AGMO: variants seen among roughly 807,000 people sequenced by gnomAD.
AGMO encodes alkylglycerol monooxygenase.
AGMO carries 75 observed loss-of-function variants against 60.2 expected under a neutral mutation model. The ratio of observed to expected loss-of-function variants is 1.25; its 90% CI spans 1.03 to 1.51. AGMO has a LOEUF of 1.51. Among genes scored for constraint, AGMO ranks in the 40% most tolerant of loss-of-function variants. The pLI is 0.00. For synonymous variants in AGMO, 261 were observed against 177.1 expected, an observed-to-expected ratio of 1.47 and a Z score of -3.76; for missense variants, 763 against 525.5, an observed-to-expected ratio of 1.45 and a Z score of -4.42.
intron 3 of AGMO, among the ~76,000 whole-genome samples, chr7:15,505,545 G>T (rs73679639): frequency 1.8e-3 from 271 of 151,834 alleles, no homozygotes; most frequent in African/African-American, 6.1e-3. Context: ...CCTTCGATTC[G>T]TTTCCTATTA....
At chr7:15,316,436 G>A (rs1239781235) in intron 12 of AGMO, among the ~76,000 whole-genome samples, 1 of 152,054 alleles carries the variant, frequency 6.6e-6, no homozygotes, top group African/African-American at 2.4e-5. Context: ...TCAGAACAAA[G>A]TACTCATTGA....
chr7:15,181,078 T>C, the AGMO span, among the ~76,000 whole-genome samples: 1 of 152,198 alleles, frequency 6.6e-6, no homozygotes, highest in East Asian at 1.9e-4. Context: ...AGATCCCTCA[T>C]GACCTAATCA....
At chr7:15,303,490 G>C (rs1286841821) in intron 12 of AGMO, among the ~76,000 whole-genome samples, 3 of 151,842 alleles carry the variant, frequency 2.0e-5, no homozygotes, top group Admixed American at 6.6e-5. Flanking sequence ...TTCTTTTCTG[G>C]AAACAGGAAC....
At chr7:15,195,708 TAC>T (rs1170740959), downstream of AGMO, among the ~76,000 whole-genome samples, 1 of 152,172 alleles carries the variant, frequency 6.6e-6, no homozygotes, top group African/African-American at 2.4e-5. Flanking sequence ...AGCTTGATTT[TAC>T]AGACTGCTTT....
chr7:15,492,656 G>A (rs550805333), intron 3 of AGMO, among the ~76,000 whole-genome samples: 3 of 151,936 alleles, frequency 2.0e-5, no homozygotes, highest in Non-Finnish European at 2.9e-5. Context: ...TAAGGTCAGT[G>A]AAGACAGAAA....
intron 12 of AGMO, among the ~76,000 whole-genome samples, chr7:15,211,135 G>T (rs1474107544): frequency 6.6e-6 from 1 of 151,878 alleles, no homozygotes; most frequent in East Asian, 1.9e-4. Context: ...TGCCTCAAGA[G>T]GTCAATTTGA....
chr7:15,366,113 A>T, intron 11 of AGMO, 27 bp downstream of exon 11: 7 of 1,563,482 alleles, frequency 4.5e-6, no homozygotes, highest in Non-Finnish European at 5.2e-6. Flanking sequence ...GTAAAAGTAA[A>T]AACAATGCAA....
intron 3 of AGMO, among the ~76,000 whole-genome samples, chr7:15,466,105 C>G (rs1157960389): frequency 6.6e-6 from 1 of 152,134 alleles, no homozygotes; most frequent in Non-Finnish European, 1.5e-5. Context: ...GAAGCCTACT[C>G]TCTAGCCACT....
In AGMO at chr7:15,304,622, C is replaced by T. The variant is rs146207605; in HGVS notation, c.1263+60892G>A. On this transcript the variant is annotated intron_variant, in intron 12 of 12. Coordinates refer to ENST00000342526, the MANE Select transcript of AGMO (RefSeq NM_001004320.2). ...TCAGTTTCGTTATGAGTCAAGGGTT[C>T]GGTTTATCTGTTTCAAAAGTCCCTG... Among the ~76,000 whole-genome samples, 886 of 152,016 alleles carry T rather than the reference C, an allele frequency of 5.8e-3. 7 individuals are homozygous for T. The highest frequency in any genetic ancestry group is 0.018 in the African/African-American group (755 of 41,456).
chr7:15,421,169 T>C (rs577789929), intron 4 of AGMO, among the ~76,000 whole-genome samples: 1 of 152,196 alleles, frequency 6.6e-6, no homozygotes, highest in South Asian at 2.1e-4. Flanking sequence ...AGAAATCAGG[T>C]TGGACCATGG....
At chr7:15,445,860 G>A (rs936613092) in intron 3 of AGMO, among the ~76,000 whole-genome samples, 4 of 152,066 alleles carry the variant, frequency 2.6e-5, no homozygotes, top group Admixed American at 6.5e-5. Context: ...CCTCTTCCCT[G>A]CCTCTCTTCT....
At chr7:15,222,868 A>T (rs529558328) in intron 12 of AGMO, among the ~76,000 whole-genome samples, 1 of 152,004 alleles carries the variant, frequency 6.6e-6, no homozygotes, top group African/African-American at 2.4e-5. Context: ...ATTTTCCCCA[A>T]CATGCGTAAC....
At chr7:15,144,880 A>T in the AGMO span, among the ~76,000 whole-genome samples, 4 of 152,184 alleles carry the variant, frequency 2.6e-5, no homozygotes, top group Non-Finnish European at 5.9e-5. Context: ...CCCAGGCTGG[A>T]GTGCAGTGGT....
chr7:15,363,519 A>G (rs1315534989), intron 12 of AGMO, among the ~76,000 whole-genome samples: 1 of 152,202 alleles, frequency 6.6e-6, no homozygotes, highest in Non-Finnish European at 1.5e-5. Context: ...GTAATTGCCA[A>G]AGAACACATA....
chr7:15,300,178 T>C (rs548053113), intron 12 of AGMO, among the ~76,000 whole-genome samples: 1 of 152,080 alleles, frequency 6.6e-6, no homozygotes, highest in Non-Finnish European at 1.5e-5. Context: ...AACAAAGAGA[T>C]ACCCAAGAGA....
rs183318855 is a variant in AGMO at position 15,246,950 on chromosome 7, C to T, written c.1264-45591G>A. On this transcript the variant is annotated intron_variant, in intron 12 of 12. Coordinates refer to ENST00000342526, the MANE Select transcript of AGMO (RefSeq NM_001004320.2). Reference sequence around the variant, plus strand: ...GCCCCCAAGTAGCTGGGATTACAGGCATGCACCACCATGCCTGGCTAATTT... The same window carrying T: ...GCCCCCAAGTAGCTGGGATTACAGGTATGCACCACCATGCCTGGCTAATTT... Among the ~76,000 whole-genome samples the T allele has an allele frequency of 4.6e-5, 7 of 152,248 alleles. No homozygotes were observed. In the East Asian group the frequency reaches 7.8e-4, roughly 17 times the overall value.
intron 12 of AGMO, among the ~76,000 whole-genome samples, chr7:15,337,221 T>G (rs919997891): frequency 3.3e-5 from 5 of 152,212 alleles, no homozygotes; most frequent in African/African-American, 1.2e-4. Flanking sequence ...TAAATTCCTT[T>G]GTATTCAAAA....
chr7:15,552,036 C>A (rs922284519), intron 2 of AGMO, among the ~76,000 whole-genome samples: 9 of 152,036 alleles, frequency 5.9e-5, no homozygotes, highest in Non-Finnish European at 8.8e-5. Context: ...ACTATCTGAT[C>A]TTTGACAAAC....
intron 5 of AGMO, among the ~76,000 whole-genome samples, chr7:15,418,216 T>C (rs1222556346): frequency 6.6e-6 from 1 of 152,070 alleles, no homozygotes; most frequent in Admixed American, 6.6e-5. Flanking sequence ...CATATACATA[T>C]GTTTATATCT....
Sources: allele counts gnomAD v4.1 joint callset (sites outside exome capture counted in the v4.1 genomes callset), GRCh38; gene constraint gnomAD v4.1.1; transcripts MANE v1.5; gene names NCBI Gene and HGNC (gene_info 2026-07-23, HGNC 2026-07-21).